Variants in ANO6 observed in about 807,000 individuals in gnomAD.
The protein encoded by ANO6 is anoctamin 6.
ANO6 carries 106 observed loss-of-function variants against 117.5 expected under a neutral mutation model. That is an observed-to-expected ratio of 0.90 (90% CI 0.77 to 1.06). The LOEUF (loss-of-function observed/expected upper bound fraction) is 1.06, where lower values mean the gene tolerates loss of function less well. Ranked by LOEUF, ANO6 falls within the 50% of genes least tolerant of loss-of-function variation. ANO6 has a pLI of 0.00. For missense variants in ANO6, 955 were observed against 1,121.1 expected (o/e 0.85, Z 2.12); for synonymous variants, 367 against 385.1 (o/e 0.95, Z 0.55).
At chr12:45,300,868 C>G (rs190614747) in intron 1 of ANO6, among the ~76,000 whole-genome samples, 5 of 152,298 alleles carry the variant, frequency 3.3e-5, no homozygotes, top group Admixed American at 6.5e-5. Context: ...AATCCAGAAC[C>G]ACATGCTGCA....
intron 15 of ANO6, among the ~76,000 whole-genome samples, chr12:45,405,011 C>T (rs1248671877): frequency 2.0e-5 from 3 of 152,134 alleles, no homozygotes; most frequent in East Asian, 3.8e-4. Context: ...TCAATGGAAA[C>T]TGTCAGGGTC....
chr12:45,289,954 G>C (rs1008562581), intron 1 of ANO6, among the ~76,000 whole-genome samples: 2 of 152,062 alleles, frequency 1.3e-5, no homozygotes, highest in Non-Finnish European at 2.9e-5. Context: ...AATTTTTTTG[G>C]TAATTCCTTT....
At chr12:45,264,102 G>A (rs1324469687) in intron 1 of ANO6, among the ~76,000 whole-genome samples, 6 of 152,218 alleles carry the variant, frequency 3.9e-5, no homozygotes, top group African/African-American at 1.2e-4. Flanking sequence ...TGGGTGTAAT[G>A]AGGGGTTATA....
Position 45,429,638 on chromosome 12 carries a change from T to C in ANO6, c.*327T>C, listed in dbSNP as rs536445936. ...AATGGATTCTTTTTTTTCTGTTTGA[T>C]TATTTTCATTTCTGTCTATTCTCAG... is the stretch of plus-strand genomic sequence containing the variant. On this transcript the variant is annotated 3_prime_UTR_variant, in exon 20 of 20. Transcript: ENST00000320560. The C allele has an allele frequency of 1.9e-4, 223 of 1,160,586 alleles. No homozygotes were observed. Among genetic ancestry groups the C allele is most frequent in the Middle Eastern group, 3.9e-4 (1 of 2,558 alleles). The allele number at this position is 1,160,586 out of a possible 1,614,324, so 71.9% of individuals were successfully genotyped here. A position where few individuals can be genotyped will look rare whatever the true frequency, so the allele number is the denominator to read the frequency against.
At chr12:45,305,236 G>A (rs1939630938) in intron 2 of ANO6, among the ~76,000 whole-genome samples, 1 of 152,146 alleles carries the variant, frequency 6.6e-6, no homozygotes, top group Non-Finnish European at 1.5e-5. Context: ...TAAGAGTCCA[G>A]GTGAAAGGGA....
intron 19 of ANO6, among the ~76,000 whole-genome samples, chr12:45,424,220 A>C (rs1364441705): frequency 6.6e-6 from 1 of 150,868 alleles, no homozygotes; most frequent in African/African-American, 2.4e-5. Flanking sequence ...TATGCAGTGG[A>C]CCATCCCCAC....
intron 1 of ANO6, among the ~76,000 whole-genome samples, chr12:45,229,718 C>T (rs1375409724): frequency 1.3e-5 from 2 of 152,032 alleles, no homozygotes; most frequent in Non-Finnish European, 2.9e-5. Context: ...CTACCTCTGT[C>T]CCATTATTTT....
rs577229522 is a variant in ANO6 at position 45,276,139 on chromosome 12, C to T, written c.71-25875C>T. Among the ~76,000 whole-genome samples, 21 of 152,276 alleles carry T rather than the reference C, an allele frequency of 1.4e-4. 1 individual carries two copies. Among genetic ancestry groups the T allele is most frequent in the Non-Finnish European group, 1.9e-4 (13 of 68,026 alleles). Reference sequence around the variant, plus strand: ...TCCTTCCAATTTACAAAGTCAGAAACCTGTATATCATCCTTGGTTTCTCTT... The same window carrying T: ...TCCTTCCAATTTACAAAGTCAGAAATCTGTATATCATCCTTGGTTTCTCTT... On this transcript the variant is annotated intron_variant, in intron 1 of 19. Coordinates refer to ENST00000320560, the MANE Select transcript of ANO6 (RefSeq NM_001025356.3).
In ANO6 at chr12:45,348,287, T is replaced by A. The variant is rs541321623; in HGVS notation, c.605T>A (p.Phe202Tyr). 1 of 1,614,120 alleles carries A rather than the reference T, an allele frequency of 6.2e-7. No homozygotes were observed. The highest frequency in any genetic ancestry group is 1.7e-5 in the Admixed American group (1 of 60,010). ...TTTTACATAGTTGATAGAGATGCTT[T>A]CTTCAATCCAGCCACCAGAAGCCGC... is the stretch of plus-strand genomic sequence containing the variant. Reference protein sequence around the residue: ...NDFYIVDRDAFFNPATRSRIV... With the variant: ...NDFYIVDRDAYFNPATRSRIV... The change falls in exon 5 of 20, where the codon TTC becomes TAC. Residue 202 changes from phenylalanine (F) to tyrosine (Y), a missense_variant. By Grantham distance (22) the Phe-to-Tyr change is conservative (BLOSUM62 3). Transcript: ENST00000320560.
At chr12:45,248,324 C>T (rs1474195226) in intron 1 of ANO6, among the ~76,000 whole-genome samples, 1 of 152,052 alleles carries the variant, frequency 6.6e-6, no homozygotes, top group South Asian at 2.1e-4. Flanking sequence ...CCCTGCCCCA[C>T]TACTCAGTTA....
chr12:45,341,073 T>C (rs1565703075), intron 3 of ANO6, among the ~76,000 whole-genome samples: 1 of 152,220 alleles, frequency 6.6e-6, no homozygotes, highest in Admixed American at 6.5e-5. Flanking sequence ...AAAAATGTCC[T>C]ATCCTTGATA....
chr12:45,328,061 C>T (rs2137390674), intron 2 of ANO6, among the ~76,000 whole-genome samples: 1 of 152,220 alleles, frequency 6.6e-6, no homozygotes, highest in Admixed American at 6.5e-5. Context: ...GTTCTTGGAA[C>T]ATCCTGACAC....
chr12:45,416,724 ATTTGT>A lies in ANO6; in HGVS notation c.2038_2042del (p.Phe680GlyfsTer30), dbSNP rs1943222436. ...TTATTCAGTTTGGGTTCGTCACCTT[ATTTGT>A]GGCCTCTTTTCCACTGGCCCCTCTG... is the stretch of plus-strand genomic sequence containing the variant. On this transcript the variant is annotated frameshift_variant, in exon 17 of 20. Transcript: ENST00000320560. LOFTEE classifies it high-confidence loss of function. 6.2e-7 allele frequency: 1 copy of A among 1,613,964 alleles called. No homozygotes were observed. Among genetic ancestry groups the A allele is most frequent in the Non-Finnish European group, 8.5e-7 (1 of 1,180,012 alleles).
At chr12:45,272,028 C>A (rs1303396019) in intron 1 of ANO6, among the ~76,000 whole-genome samples, 1 of 152,112 alleles carries the variant, frequency 6.6e-6, no homozygotes, top group Non-Finnish European at 1.5e-5. Context: ...CATGGAAAAT[C>A]TTCCTAAAAC....
At chr12:45,388,352 T>C in intron 11 of ANO6, 49 bp downstream of exon 11, 1 of 1,610,342 alleles carries the variant, frequency 6.2e-7, no homozygotes, top group Non-Finnish European at 8.5e-7. Flanking sequence ...ACTGCTGTGG[T>C]TCTCCTCCTT....
intron 17 of ANO6, among the ~76,000 whole-genome samples, chr12:45,417,982 A>T (rs1943257178): frequency 6.6e-6 from 1 of 152,194 alleles, no homozygotes; most frequent in African/African-American, 2.4e-5. Context: ...AAAATTATTA[A>T]TTCCCTACCA....
In ANO6 at chr12:45,421,304, A is replaced by G. The variant is rs762819051; in HGVS notation, c.2420+31A>G. 3.1e-6 allele frequency: 5 copies of G among 1,600,084 alleles called. No individual in the cohort carries two copies. In the African/African-American group the frequency reaches 6.7e-5, roughly 21 times the overall value. ...TTCTGCTTTACTTGTTTAAAAATGC[A>G]CTTCATCTTTAAAAGGGTTTTTCTT... On this transcript the variant is annotated intron_variant, in intron 18 of 19. Transcript: ENST00000320560.
intron 1 of ANO6, among the ~76,000 whole-genome samples, chr12:45,265,830 C>G (rs1313589575): frequency 6.6e-6 from 1 of 152,208 alleles, no homozygotes; most frequent in Non-Finnish European, 1.5e-5. Context: ...TTACAAAAAT[C>G]CTGCAGTATA....
intron 5 of ANO6, 29 bp downstream of exon 5, chr12:45,348,344 CTTGGGGTAAT>C (rs768935054): frequency 5.0e-5 from 80 of 1,613,634 alleles, no homozygotes; most frequent in East Asian, 4.9e-4. Context: ...TAGTTGCTGT[CTTGGGGTAAT>C]TTGGAACCTG....
Sources: gnomAD v4.1 joint callset for allele counts (sites outside exome capture counted in the v4.1 genomes callset) on GRCh38, gnomAD v4.1.1 for gene constraint, MANE v1.5 for transcripts, NCBI Gene and HGNC (gene_info 2026-07-23, HGNC 2026-07-21) for gene names.